Variants in ABCA5 observed in about 807,000 individuals in gnomAD.
ABCA5 encodes the protein ATP binding cassette subfamily A member 5, also known as cholesterol transporter ABCA5.
ABCA5 carries 163 observed loss-of-function variants against 206.0 expected under a neutral mutation model. The observed-to-expected ratio is 0.79, with a 90% CI of 0.70 to 0.90. The LOEUF (loss-of-function observed/expected upper bound fraction) is 0.90, where lower values mean the gene tolerates loss of function less well. Among genes scored for constraint, ABCA5 ranks in the 40% least tolerant of loss-of-function variants. The pLI, the probability that ABCA5 is intolerant of heterozygous loss-of-function variation, is 0.00. For synonymous variants in ABCA5, 609 were observed against 613.8 expected, an observed-to-expected ratio of 0.99 and a Z score of 0.11; for missense variants, 1,859 against 1,912.9, an observed-to-expected ratio of 0.97 and a Z score of 0.53.
chr17:69,300,273 T>C (rs2075638910), intron 9 of ABCA5, among the ~76,000 whole-genome samples: 1 of 152,106 alleles, frequency 6.6e-6, no homozygotes, highest in Non-Finnish European at 1.5e-5. Flanking sequence ...CATACTCCTA[T>C]GAGAATTGAA....
intron 31 of ABCA5, 102 bp from the exon 32 acceptor site, chr17:69,254,592 T>C: frequency 2.5e-6 from 2 of 814,156 alleles, no homozygotes; most frequent in Non-Finnish European, 1.9e-6. Flanking sequence ...CAGACTAATA[T>C]CAAGTCAGAT....
At chr17:69,321,001 A>T (rs2075860697) in intron 1 of ABCA5, among the ~76,000 whole-genome samples, 2 of 152,140 alleles carry the variant, frequency 1.3e-5, no homozygotes, top group South Asian at 4.1e-4. Context: ...GAAACAAGAT[A>T]GAATAAAAAA....
At chr17:69,258,049 A>C (rs1304259524) in intron 28 of ABCA5, among the ~76,000 whole-genome samples, 1 of 152,156 alleles carries the variant, frequency 6.6e-6, no homozygotes, top group Non-Finnish European at 1.5e-5. Flanking sequence ...GAATAAAGAG[A>C]AAGCTTTGAA....
intron 9 of ABCA5, among the ~76,000 whole-genome samples, chr17:69,299,002 C>T (rs776097265): frequency 3.3e-5 from 5 of 151,890 alleles, no homozygotes; most frequent in African/African-American, 7.3e-5. Context: ...TCAAAAAGTA[C>T]GCTAAGAACA....
Position 69,271,292 on chromosome 17 carries a change from G to C in ABCA5, c.2765-3C>G. 2.5e-6 allele frequency: 4 copies of C among 1,603,454 alleles called. No homozygotes were observed. The highest frequency in any genetic ancestry group is 3.4e-6 in the Non-Finnish European group (4 of 1,176,254). On this transcript the variant is annotated splice_polypyrimidine_tract_variant and splice_region_variant and intron_variant, in intron 20 of 38. Transcript: ENST00000392676. Reference sequence around the variant, plus strand: ...AATAAGATCACTGATATCTGAGTCTGGTGTTAGAAAATAAGCAAATAATAA... The same window carrying C: ...AATAAGATCACTGATATCTGAGTCTCGTGTTAGAAAATAAGCAAATAATAA...
rs781240794 is a variant in ABCA5, at chr17:69,250,529, A to G, written c.4628T>C (p.Val1543Ala). 2 of 1,603,262 alleles carry G rather than the reference A, an allele frequency of 1.2e-6. No individual in the cohort carries two copies. The highest frequency in any genetic ancestry group is 1.1e-5 in the South Asian group (1 of 88,692). ...KLKDWIENLE[V>A]DRLQREIQYI... ...CTGAATTTCTCTTTGAAGGCGGTCT[A>G]CTTCTAGGTTTTCTATCCAGTCCTT... The change falls in exon 36 of 39, where the codon GTA (valine) becomes GCA (alanine). Residue 1543 changes from valine to alanine, a missense_variant. Coordinates refer to ENST00000392676, the MANE Select transcript of ABCA5 (RefSeq NM_172232.4).
chr17:69,277,969 T>G (rs1314170835), intron 18 of ABCA5, 127 bp from the exon 19 acceptor site: 2 of 636,876 alleles, frequency 3.1e-6, no homozygotes, highest in Non-Finnish European at 5.0e-6. Flanking sequence ...TCTCTTATAT[T>G]CTGGCAGTAT....
At chr17:69,283,102 G>T (rs570683773) in intron 18 of ABCA5, among the ~76,000 whole-genome samples, 122 of 144,424 alleles carry the variant, frequency 8.4e-4, no homozygotes, top group African/African-American at 3.0e-3. Context: ...TTCTCCCACC[G>T]CAGCCTCTAG....
chr17:69,244,825 T>C lies in ABCA5; in HGVS notation c.*2712A>G, dbSNP rs565150838. On this transcript the variant is annotated 3_prime_UTR_variant, in exon 39 of 39. Transcript: ENST00000392676. ...CTAAGTAAAATTAATTGTGCTCCTA[T>C]AAAACGTTGTTAGTACTACTAGCAA... 4 of 151,082 alleles carry C rather than the reference T, an allele frequency of 2.6e-5. No homozygotes were observed. The highest frequency in any genetic ancestry group is 1.3e-4 in the Admixed American group (2 of 15,174). The allele number at this position is 151,082 out of a possible 1,614,324, so 9.4% of individuals were successfully genotyped here.
chr17:69,305,795 T>C (rs2075710694), intron 6 of ABCA5, among the ~76,000 whole-genome samples: 2 of 152,108 alleles, frequency 1.3e-5, no homozygotes, highest in South Asian at 4.1e-4. Flanking sequence ...CTCTTGAGCC[T>C]GGGAGTTTGA....
At chr17:69,252,686 A>G (rs940040533) in intron 34 of ABCA5, among the ~76,000 whole-genome samples, 1 of 151,890 alleles carries the variant, frequency 6.6e-6, no homozygotes, top group Non-Finnish European at 1.5e-5. Context: ...AAATACAAAA[A>G]ATTAGCCGGG....
chr17:69,288,201 A>C (rs1169472886), intron 14 of ABCA5, among the ~76,000 whole-genome samples: 1 of 152,108 alleles, frequency 6.6e-6, no homozygotes, highest in Non-Finnish European at 1.5e-5. Context: ...ATGAACATAA[A>C]GCCAGGATCC....
At chr17:69,305,258 A>G (rs1383792229) in intron 6 of ABCA5, among the ~76,000 whole-genome samples, 4 of 152,202 alleles carry the variant, frequency 2.6e-5, no homozygotes, top group African/African-American at 4.8e-5. Context: ...AATCAATGAC[A>G]TAATTACTAC....
chr17:69,256,177 C>T lies in ABCA5; in HGVS notation c.3838G>A (p.Gly1280Ser). Residue 1280 changes from glycine to serine, a missense_variant, in exon 29 of 39, where the codon GGT (glycine) becomes AGT (serine). Transcript: ENST00000392676. ...ATTACCTCCTCACAACACTGGCAACCCATCAGCTCTTTGACCTTTAGTCTT... is the reference window on the plus strand; with the variant it reads ...ATTACCTCCTCACAACACTGGCAACTCATCAGCTCTTTGACCTTTAGTCTT... ...AERLKVKELMGCQCCEEKPSI... is the reference protein window; with the variant it reads ...AERLKVKELMSCQCCEEKPSI... The T allele has an allele frequency of 6.2e-7, 1 of 1,606,282 alleles. No individual in the cohort carries two copies. Among genetic ancestry groups the T allele is most frequent in the East Asian group, 2.2e-5 (1 of 44,478 alleles).
At chr17:69,294,509 G>A (rs1028740463) in intron 11 of ABCA5, 146 bp downstream of exon 11, 37 of 716,498 alleles carry the variant, frequency 5.2e-5, no homozygotes, top group East Asian at 5.1e-4. Context: ...GTGACAGAGC[G>A]AGACTCCATC....
At position 69,267,971 on chromosome 17, in the gene ABCA5, A is replaced by G; in HGVS notation, c.3116T>C (p.Phe1039Ser). 1 of 1,610,300 alleles carries G rather than the reference A, an allele frequency of 6.2e-7. No homozygotes were observed. Among genetic ancestry groups the G allele is most frequent in the South Asian group, 1.1e-5 (1 of 90,752 alleles). Reference protein sequence around the residue: ...GIIVTAMPPYFAMENAENHKI... With the variant: ...GIIVTAMPPYSAMENAENHKI... ...ATGATTCTCTGCATTTTCCATGGCA[A>G]AGTAAGGTGGCATTGCAGTAACAAT... Residue 1039 changes from phenylalanine (F) to serine (S), a missense_variant, in exon 23 of 39, where the codon TTT becomes TCT. Transcript: ENST00000392676.
chr17:69,296,070 T>C (rs1213129890), intron 10 of ABCA5, among the ~76,000 whole-genome samples: 1 of 152,216 alleles, frequency 6.6e-6, no homozygotes. Flanking sequence ...TATGGATTTT[T>C]TTTCATTTCT....
chr17:69,289,542 C>T (rs913858747), intron 13 of ABCA5, among the ~76,000 whole-genome samples: 2 of 151,876 alleles, frequency 1.3e-5, no homozygotes, highest in African/African-American at 4.8e-5. Flanking sequence ...TAATTTTGTG[C>T]CTTCTTGGGT....
At chr17:69,282,565 C>G (rs1029403416) in intron 18 of ABCA5, among the ~76,000 whole-genome samples, 3 of 152,068 alleles carry the variant, frequency 2.0e-5, no homozygotes, top group African/African-American at 7.2e-5. Flanking sequence ...GAGGTCAGTT[C>G]AAGACCAGCC....
Sources: gnomAD v4.1 joint callset for allele counts (sites outside exome capture counted in the v4.1 genomes callset) on GRCh38, gnomAD v4.1.1 for gene constraint, MANE v1.5 for transcripts, NCBI Gene and HGNC (gene_info 2026-07-23, HGNC 2026-07-21) for gene names.